SPOCK2: variants seen among roughly 807,000 people sequenced by gnomAD.
SPOCK2 encodes the protein SPARC (osteonectin), cwcv and kazal like domains proteoglycan 2, also known as testican-2.
In SPOCK2, 39 loss-of-function variants were observed where a neutral mutation model predicts 60.1. The ratio of observed to expected loss-of-function variants is 0.65; its 90% CI spans 0.50 to 0.85. The LOEUF (loss-of-function observed/expected upper bound fraction) is 0.85. Ranked by LOEUF, SPOCK2 falls within the 40% of genes least tolerant of loss-of-function variation. The pLI, the probability that SPOCK2 is intolerant of heterozygous loss-of-function variation, is 0.00. For synonymous variants in SPOCK2, 217 were observed against 231.5 expected (o/e 0.94, Z 0.57); for missense variants, 523 against 567.4 (o/e 0.92, Z 0.80).
chr10:72,081,454 G>A (rs940700687), intron 1 of SPOCK2, among the ~76,000 whole-genome samples: 1 of 152,246 alleles, frequency 6.6e-6, no homozygotes, highest in Non-Finnish European at 1.5e-5. Context: ...GAAGACAGCA[G>A]GAGGGGGCTG....
rs1205738746 is a variant in SPOCK2, at chr10:72,072,805, G to A, written c.198+97C>T. 233 of 1,531,486 alleles carry A rather than the reference G, an allele frequency of 1.5e-4. 1 individual carries two copies. The highest frequency in any genetic ancestry group is 3.5e-6 in the Non-Finnish European group (4 of 1,129,062). The allele number at this position is 1,531,486 out of a possible 1,614,324, so 94.9% of individuals were successfully genotyped here. On this transcript the variant is annotated intron_variant, in intron 2 of 10. Coordinates refer to ENST00000373109, the MANE Select transcript of SPOCK2 (RefSeq NM_001244950.2). ...TCCCATGCCACACTGGAGGCTGGCA[G>A]GGAAGGCAAGTCAGAATGAGGGTGT...
intron 3 of SPOCK2, 27 bp from the exon 4 acceptor site, chr10:72,072,285 G>T: frequency 6.7e-7 from 1 of 1,494,416 alleles, no homozygotes; most frequent in Non-Finnish European, 8.9e-7. Flanking sequence ...TCAGGACACA[G>T]GTCACCTGGG....
At chr10:72,071,334 C>T (rs116384714) in intron 4 of SPOCK2, among the ~76,000 whole-genome samples, 1 of 152,250 alleles carries the variant, frequency 6.6e-6, no homozygotes, top group Admixed American at 6.5e-5. Flanking sequence ...GGACTACAGG[C>T]ACAAGCGACC....
chr10:72,072,060 G>A, intron 4 of SPOCK2, 84 bp downstream of exon 4: 2 of 1,093,638 alleles, frequency 1.8e-6, no homozygotes, highest in Non-Finnish European at 2.5e-6. Context: ...GCAGTAGATG[G>A]CTAATTCATA....
chr10:72,077,145 G>A (rs1840724668), intron 1 of SPOCK2, among the ~76,000 whole-genome samples: 1 of 152,096 alleles, frequency 6.6e-6, no homozygotes, highest in African/African-American at 2.4e-5. Flanking sequence ...TATTGAGACA[G>A]AGTCTTGCTC....
Position 72,088,263 on chromosome 10 carries a change from G to A in SPOCK2, c.66C>T (p.Ala22=), listed in dbSNP as rs1277714273. Residue 22 remains alanine (A), a synonymous_variant, in exon 1 of 11, where the codon GCC becomes GCT. Coordinates refer to ENST00000373109, the MANE Select transcript of SPOCK2 (RefSeq NM_001244950.2). ...PLLLLAAAAL[A]EGDAKGLKEG... is the part of the protein sequence containing the mutation. ...CCTTGAGCCCCTTGGCGTCGCCTTC[G>A]GCCAGGGCTGCCGCGGCCAGGAGCA... 1.2e-6 allele frequency: 2 copies of A among 1,607,600 alleles called. No homozygotes were observed. The highest frequency in any genetic ancestry group is 1.1e-5 in the South Asian group (1 of 90,528).
At chr10:72,079,009 C>T (rs1383207574) in intron 1 of SPOCK2, among the ~76,000 whole-genome samples, 7 of 152,178 alleles carry the variant, frequency 4.6e-5, no homozygotes, top group African/African-American at 1.7e-4. Flanking sequence ...TAGCAATTAC[C>T]ACGTGGCAAG....
At position 72,088,189 on chromosome 10, in the gene SPOCK2, G is replaced by A. The variant is rs1840889756; in HGVS notation, c.140C>T (p.Ser47Phe). ...GATCTTGCCGCTGTACTGCGAGATG[G>A]ACGACAGCCATTGCTCGTCCTCCAT... ...NFMEDEQWLS[S>F]ISQYSGKIKH... The change falls in exon 1 of 11, where the codon TCC (serine) becomes TTC (phenylalanine). Residue 47 changes from serine to phenylalanine, a missense_variant. Transcript: ENST00000373109. The A allele has an allele frequency of 6.2e-7, 1 of 1,613,160 alleles. No individual in the cohort carries two copies. The highest frequency in any genetic ancestry group is 2.2e-5 in the East Asian group (1 of 44,852).
In SPOCK2 at chr10:72,072,924, A is replaced by C; in HGVS notation, c.190-14T>G. 6.4e-7 allele frequency: 1 copy of C among 1,554,952 alleles called. No individual in the cohort carries two copies. The highest frequency in any genetic ancestry group is 8.7e-7 in the Non-Finnish European group (1 of 1,148,780). On this transcript the variant is annotated splice_polypyrimidine_tract_variant and intron_variant, in intron 1 of 10. Coordinates refer to ENST00000373109, the MANE Select transcript of SPOCK2 (RefSeq NM_001244950.2). ...CACCTCCACTTCCTGGAGATCAGGG[A>C]ACAGCAGCAGGCCATGGAAAACGGA...
Position 72,087,066 on chromosome 10 carries a change from C to A in SPOCK2, c.189+1074G>T. 1 of 1,495,730 alleles carries A rather than the reference C, an allele frequency of 6.7e-7. No individual in the cohort carries two copies. Among genetic ancestry groups the A allele is most frequent in the South Asian group, 1.3e-5 (1 of 78,322 alleles). 92.7% of individuals were successfully genotyped at this position (1,495,730 alleles called of 1,614,324 possible). On this transcript the variant is annotated intron_variant, in intron 1 of 10. Coordinates refer to ENST00000373109, the MANE Select transcript of SPOCK2 (RefSeq NM_001244950.2). This position sits in a 1 kb window ranked among gnomAD's most constrained non-coding sequence, Gnocchi z 4.7. Reference sequence around the variant, plus strand: ...GTCAGGGCCGCGGTGAGCACCAGGTCGCCAGGAGCAGCCGGCGTCGCCTCT... The same window carrying A: ...GTCAGGGCCGCGGTGAGCACCAGGTAGCCAGGAGCAGCCGGCGTCGCCTCT...
At position 72,085,813 on chromosome 10, in the gene SPOCK2, T is replaced by C. The variant is rs185351372; in HGVS notation, c.189+2327A>G. The stretch of plus-strand genomic sequence containing the variant: ...CTAATGGAAATATAAAGCCCGTTGC[T>C]ACTGGGCCCAGTTAGAGTGCCTTCA... On this transcript the variant is annotated intron_variant, in intron 1 of 10. Transcript: ENST00000373109. 2.5e-3 allele frequency among the ~76,000 whole-genome samples: 381 copies of C among 152,358 alleles called. 2 individuals are homozygous for C. Among genetic ancestry groups the C allele is most frequent in the Non-Finnish European group, 3.1e-3 (212 of 68,038 alleles).
chr10:72,082,003 A>G (rs1157363886), intron 1 of SPOCK2, among the ~76,000 whole-genome samples: 1 of 152,182 alleles, frequency 6.6e-6, no homozygotes, highest in Non-Finnish European at 1.5e-5. Context: ...TGGGGTGGTA[A>G]GGTACACAAG....
intron 5 of SPOCK2, 66 bp downstream of exon 5, chr10:72,070,246 T>C: frequency 6.5e-7 from 1 of 1,532,988 alleles, no homozygotes; most frequent in Non-Finnish European, 9.0e-7. Context: ...AGCTGGGTCA[T>C]CCTTTCTGCT....
chr10:72,086,586 G>C, intron 1 of SPOCK2: 1 of 1,160,090 alleles, frequency 8.6e-7, no homozygotes, highest in Non-Finnish European at 1.1e-6. Context: ...CCCAGGAAGC[G>C]GCAGGAGACT....
intron 5 of SPOCK2, among the ~76,000 whole-genome samples, chr10:72,069,821 G>A (rs1336811245): frequency 2.0e-5 from 3 of 152,020 alleles, no homozygotes; most frequent in Non-Finnish European, 4.4e-5. Flanking sequence ...TCCACATAAG[G>A]TGCAAATTCA....
chr10:72,086,722 A>C, intron 1 of SPOCK2: 1 of 1,388,976 alleles, frequency 7.2e-7, no homozygotes. Context: ...GGGCCCGGCC[A>C]CTCAGCCTGG....
At chr10:72,070,115 C>T in intron 5 of SPOCK2, 197 bp downstream of exon 5, 1 of 562,054 alleles carries the variant, frequency 1.8e-6, no homozygotes, top group Non-Finnish European at 3.2e-6. Flanking sequence ...CAGGGTCTGG[C>T]TCCAACTCTC....
intron 8 of SPOCK2, among the ~76,000 whole-genome samples, chr10:72,065,639 T>C (rs536387683): frequency 6.6e-6 from 1 of 152,364 alleles, no homozygotes; most frequent in South Asian, 2.1e-4. Flanking sequence ...GAAGCCTGCC[T>C]GGTTGTAAAA....
intron 1 of SPOCK2, among the ~76,000 whole-genome samples, chr10:72,076,568 G>A (rs990994196): frequency 1.3e-5 from 2 of 152,150 alleles, no homozygotes; most frequent in Non-Finnish European, 2.9e-5. Flanking sequence ...CTATCTATAT[G>A]AGTAAAGCTT....
Sources: allele counts gnomAD v4.1 joint callset (sites outside exome capture counted in the v4.1 genomes callset), GRCh38; gene constraint gnomAD v4.1.1; non-coding constraint Gnocchi (gnomAD v3.1); transcripts MANE v1.5; gene names NCBI Gene and HGNC (gene_info 2026-07-23, HGNC 2026-07-21).